Variants in ANKFN1 observed in about 807,000 individuals in gnomAD.
The protein encoded by ANKFN1 is ankyrin repeat and fibronectin type III domain containing 1.
ANKFN1 carries 74 observed loss-of-function variants against 108.7 expected under a neutral mutation model. That is an observed-to-expected ratio of 0.68 (90% CI 0.56 to 0.83). ANKFN1 has a LOEUF of 0.83. Ranked by LOEUF, ANKFN1 falls within the 40% of genes least tolerant of loss-of-function variation. ANKFN1 has a pLI of 0.00. For missense variants in ANKFN1, 1,505 were observed against 1,382.3 expected (o/e 1.09, Z -1.41); for synonymous variants, 547 against 516.2 (o/e 1.06, Z -0.81).
chr17:56,266,792 A>G (rs1179320745), intron 3 of ANKFN1, among the ~76,000 whole-genome samples: 2 of 152,006 alleles, frequency 1.3e-5, no homozygotes, highest in African/African-American at 4.8e-5. Flanking sequence ...ATTCATCACT[A>G]AAAAAACAAA....
chr17:56,323,231 T>A (rs11079218), intron 3 of ANKFN1: 1 of 151,020 alleles, frequency 6.6e-6, no homozygotes, highest in African/African-American at 2.4e-5. Context: ...GGGGGAGGAG[T>A]AGAAGGAAAG....
chr17:56,313,383 T>C (rs752114416), intron 3 of ANKFN1, among the ~76,000 whole-genome samples: 6 of 152,170 alleles, frequency 3.9e-5, no homozygotes, highest in African/African-American at 7.2e-5. Context: ...CAAACAAGCC[T>C]GGTCATGGAG....
At chr17:56,056,731 A>C (rs9904739) in intron 4 of ANKFN1, among the ~76,000 whole-genome samples, 5,166 of 152,344 alleles carry the variant, frequency 0.034, 252 homozygotes, top group African/African-American at 0.11. Flanking sequence ...CTAGAAGAAA[A>C]CTAGGAAAAA....
chr17:56,477,427 T>G, intron 15 of ANKFN1, 61 bp from the exon 16 acceptor site: 4 of 1,451,516 alleles, frequency 2.8e-6, no homozygotes, highest in Non-Finnish European at 2.7e-6. Flanking sequence ...GGAAAAGGTT[T>G]TGAGATTGCC....
At chr17:56,174,660 A>G (rs1910967522) in intron 1 of ANKFN1, among the ~76,000 whole-genome samples, 1 of 152,208 alleles carries the variant, frequency 6.6e-6, no homozygotes, top group African/African-American at 2.4e-5. Flanking sequence ...TTTTGCCCAG[A>G]GAAGTCTCCA....
At chr17:56,225,103 T>C (rs1916167528) in intron 2 of ANKFN1, among the ~76,000 whole-genome samples, 1 of 152,156 alleles carries the variant, frequency 6.6e-6, no homozygotes, top group Non-Finnish European at 1.5e-5. Context: ...GGTGAGAGAA[T>C]GGTCTCTGCC....
intron 3 of ANKFN1, among the ~76,000 whole-genome samples, chr17:56,297,114 G>C (rs568097591): frequency 1.3e-5 from 2 of 152,208 alleles, no homozygotes; most frequent in African/African-American, 4.8e-5. Flanking sequence ...TTTGGGGAAA[G>C]GTAATGGATG....
chr17:56,197,764 C>A (rs918924366), intron 1 of ANKFN1, among the ~76,000 whole-genome samples: 1 of 152,232 alleles, frequency 6.6e-6, no homozygotes, highest in African/African-American at 2.4e-5. Flanking sequence ...AAATAATTTA[C>A]ATCCAAAGAT....
At chr17:56,339,751 G>T (rs757049647) in intron 4 of ANKFN1, among the ~76,000 whole-genome samples, 4 of 152,068 alleles carry the variant, frequency 2.6e-5, no homozygotes, top group Non-Finnish European at 5.9e-5. Context: ...ACTGTGAATA[G>T]TCCTGCAATG....
intron 1 of ANKFN1, among the ~76,000 whole-genome samples, chr17:56,189,179 T>TTTTTTTTTGTTTTTTTTTTG (rs1555607730): frequency 3.6e-5 from 4 of 111,400 alleles, no homozygotes; most frequent in South Asian, 2.9e-4. Context: ...ACTTTTTTTT[T>TTTTTTTTTGTTTTTTTTTTG]TTTTTTTTTG....
intron 8 of ANKFN1, among the ~76,000 whole-genome samples, chr17:56,395,540 C>G (rs935632156): frequency 2.6e-5 from 4 of 152,140 alleles, no homozygotes; most frequent in African/African-American, 9.7e-5. Flanking sequence ...AATGGAAAAA[C>G]CAATATAATA....
chr17:56,361,838 G>T (rs940061360), intron 6 of ANKFN1, among the ~76,000 whole-genome samples: 4 of 152,114 alleles, frequency 2.6e-5, no homozygotes, highest in African/African-American at 9.7e-5. Context: ...TCTCCATATG[G>T]CTACTCTATG....
chr17:56,153,622 G>C, intron 1 of ANKFN1, 92 bp downstream of exon 1: 1 of 1,530,250 alleles, frequency 6.5e-7, no homozygotes, highest in Non-Finnish European at 9.1e-7. Context: ...TTGAGTGGGC[G>C]AGTGAATTCG....
chr17:56,256,939 A>G (rs2043373442), intron 3 of ANKFN1, among the ~76,000 whole-genome samples: 1 of 152,214 alleles, frequency 6.6e-6, no homozygotes, highest in Admixed American at 6.5e-5. Context: ...TCATTGATTC[A>G]TTCATATTAG....
Position 56,405,794 on chromosome 17 carries a change from G to A in ANKFN1, c.910+31080G>A, listed in dbSNP as rs187423937. Among the ~76,000 whole-genome samples the A allele has an allele frequency of 6.4e-3, 974 of 152,244 alleles. 6 individuals are homozygous for A. The highest frequency in any genetic ancestry group is 0.012 in the Non-Finnish European group (821 of 68,008). ...GTTAAAAAATTGAAAGAGCATATAT[G>A]TAATATACTACCTTTTGTGTAAAAT... On this transcript the variant is annotated intron_variant, in intron 8 of 20. Coordinates refer to ENST00000682825, the MANE Select transcript of ANKFN1 (RefSeq NM_001370326.1).
chr17:56,330,519 G>A (rs1263733892), intron 4 of ANKFN1, among the ~76,000 whole-genome samples: 5 of 152,174 alleles, frequency 3.3e-5, no homozygotes, highest in South Asian at 4.2e-4. Flanking sequence ...CCATAATTTC[G>A]CATACCACAC....
intron 4 of ANKFN1, among the ~76,000 whole-genome samples, chr17:56,098,565 C>T (rs1233280401): frequency 2.6e-5 from 4 of 152,112 alleles, no homozygotes; most frequent in East Asian, 3.9e-4. Context: ...TACTCTATCA[C>T]GTAAGCTCCA....
At chr17:56,462,090 A>G (rs2049920527) in intron 14 of ANKFN1, 1 of 152,070 alleles carries the variant, frequency 6.6e-6, no homozygotes, top group Admixed American at 6.6e-5. Flanking sequence ...TGCTTTCATC[A>G]CTTTTTTTGG....
At chr17:56,085,838 A>G (rs1905306363) in intron 4 of ANKFN1, among the ~76,000 whole-genome samples, 1 of 151,312 alleles carries the variant, frequency 6.6e-6, no homozygotes, top group South Asian at 2.1e-4. Flanking sequence ...CCAGGAGAAA[A>G]CATCTGACTC....
Sources: allele counts gnomAD v4.1 joint callset (sites outside exome capture counted in the v4.1 genomes callset), GRCh38; gene constraint gnomAD v4.1.1; transcripts MANE v1.5; gene names NCBI Gene and HGNC (gene_info 2026-07-23, HGNC 2026-07-21).